The following SDK1 variants were observed in gnomAD, a reference collection of about 807,000 sequenced individuals.
SDK1 encodes sidekick cell adhesion molecule 1, also known as protein sidekick-1.
Under a neutral mutation model 245.5 loss-of-function variants are expected in SDK1, and 157 were observed. The ratio of observed to expected loss-of-function variants is 0.64; its 90% CI spans 0.56 to 0.73. SDK1 has a LOEUF of 0.73. SDK1 is among the 30% of genes least tolerant of loss of function. SDK1 has a pLI of 0.00. For missense variants in SDK1, 3,583 were observed against 3,002.3 expected (o/e 1.19, Z -4.52); for synonymous variants, 1,647 against 1,278.5 (o/e 1.29, Z -6.15).
rs572177627 is a variant in SDK1, at chr7:4,235,897, C to T, written c.5993-1750C>T. On this transcript the variant is annotated intron_variant, in intron 41 of 44. Coordinates refer to ENST00000404826, the MANE Select transcript of SDK1 (RefSeq NM_152744.4). ...CGTATGAGAGTCCTCCAGGACAGCCCGGCCTTCCTTTCCTACCAGGTGCTG... is the reference window on the plus strand; with the variant it reads ...CGTATGAGAGTCCTCCAGGACAGCCTGGCCTTCCTTTCCTACCAGGTGCTG... Among the ~76,000 whole-genome samples the T allele has an allele frequency of 5.3e-5, 8 of 152,326 alleles. No homozygotes were observed. The East Asian group carries it at 7.7e-4, about 15-fold the overall frequency.
intron 22 of SDK1, among the ~76,000 whole-genome samples, chr7:4,089,759 G>A (rs2128183075): frequency 6.6e-6 from 1 of 152,324 alleles, no homozygotes; most frequent in South Asian, 2.1e-4. Flanking sequence ...CTTTCCCTTT[G>A]ATTTCAAAAG....
At chr7:3,505,819 T>G (rs943150192) in intron 1 of SDK1, among the ~76,000 whole-genome samples, 2 of 152,178 alleles carry the variant, frequency 1.3e-5, no homozygotes, top group Non-Finnish European at 2.9e-5. Context: ...CTGCAGGACT[T>G]GAGTATGCTT....
intron 1 of SDK1, among the ~76,000 whole-genome samples, chr7:3,563,660 G>A (rs887182437): frequency 2.0e-5 from 3 of 152,134 alleles, no homozygotes; most frequent in African/African-American, 7.2e-5. Flanking sequence ...TTGAAAAGCA[G>A]GCAGAGGTGG....
intron 1 of SDK1, among the ~76,000 whole-genome samples, chr7:3,400,092 TG>T (rs1778847296): frequency 6.6e-6 from 1 of 151,736 alleles, no homozygotes; most frequent in Non-Finnish European, 1.5e-5. Context: ...AGGGCGCTTT[TG>T]GGGAAGTCTG....
intron 4 of SDK1, among the ~76,000 whole-genome samples, chr7:3,676,132 A>C (rs1783886457): frequency 6.6e-6 from 1 of 151,542 alleles, no homozygotes; most frequent in South Asian, 2.1e-4. Context: ...CACCTGGCTA[A>C]ATTTTGTATT....
At chr7:3,400,534 T>A (rs1157415246) in intron 1 of SDK1, among the ~76,000 whole-genome samples, 3 of 152,132 alleles carry the variant, frequency 2.0e-5, no homozygotes, top group African/African-American at 4.8e-5. Flanking sequence ...TATGTACTTA[T>A]AAATACATAA....
intron 22 of SDK1, among the ~76,000 whole-genome samples, chr7:4,082,534 CAA>C (rs1300321399): frequency 9.1e-4 from 99 of 108,730 alleles, no homozygotes; most frequent in African/African-American, 1.2e-3. Flanking sequence ...GATTCTGTCT[CAA>C]AAAAAAAAAA....
intron 1 of SDK1, among the ~76,000 whole-genome samples, chr7:3,346,803 G>A (rs1583716780): frequency 5.4e-5 from 3 of 55,850 alleles, no homozygotes; most frequent in South Asian, 6.4e-4. Context: ...GTGTGTGTGT[G>A]TGTGTATATA....
intron 5 of SDK1, among the ~76,000 whole-genome samples, chr7:3,845,340 C>G (rs541626226): frequency 6.6e-6 from 1 of 151,928 alleles, no homozygotes; most frequent in South Asian, 2.1e-4. Flanking sequence ...AAATACAAAA[C>G]TTAGCTGGGC....
At chr7:3,792,985 G>A (rs925602714) in intron 4 of SDK1, among the ~76,000 whole-genome samples, 3 of 152,150 alleles carry the variant, frequency 2.0e-5, no homozygotes, top group African/African-American at 7.2e-5. Context: ...TTCACATAAG[G>A]GGGAGGAAAA....
chr7:3,742,979 A>C (rs772655644), intron 4 of SDK1, among the ~76,000 whole-genome samples: 2 of 152,246 alleles, frequency 1.3e-5, no homozygotes, highest in Admixed American at 6.5e-5. Flanking sequence ...CCTCATTAAC[A>C]TGAGGAAGCA....
At chr7:3,644,131 A>G (rs1435180710) in intron 4 of SDK1, among the ~76,000 whole-genome samples, 2 of 150,636 alleles carry the variant, frequency 1.3e-5, no homozygotes, top group East Asian at 3.9e-4. Flanking sequence ...CGAAGTCCTT[A>G]CCTCAAATGA....
chr7:3,359,247 A>G (rs1388627408), intron 1 of SDK1, among the ~76,000 whole-genome samples: 2 of 152,162 alleles, frequency 1.3e-5, no homozygotes, highest in Non-Finnish European at 2.9e-5. Flanking sequence ...AGCAGAATGC[A>G]GCACACACAG....
intron 14 of SDK1, among the ~76,000 whole-genome samples, chr7:3,988,253 C>T (rs890204523): frequency 5.3e-5 from 8 of 150,844 alleles, no homozygotes; most frequent in Non-Finnish European, 1.0e-4. Context: ...AATTCCTTTC[C>T]CTGGACCCCA....
intron 1 of SDK1, among the ~76,000 whole-genome samples, chr7:3,578,639 C>T (rs145485595): frequency 6.6e-6 from 1 of 151,840 alleles, no homozygotes; most frequent in Non-Finnish European, 1.5e-5. Context: ...GAATGCAATT[C>T]TTATCTTAGG....
intron 5 of SDK1, among the ~76,000 whole-genome samples, chr7:3,865,030 A>T (rs548103154): frequency 1.4e-3 from 215 of 152,316 alleles, no homozygotes; most frequent in African/African-American, 4.8e-3. Context: ...ACGTTTCTTC[A>T]GTCTCCTACC....
At chr7:3,423,696 A>G (rs1032184171) in intron 1 of SDK1, among the ~76,000 whole-genome samples, 2 of 151,942 alleles carry the variant, frequency 1.3e-5, no homozygotes, top group Admixed American at 6.6e-5. Context: ...TGCTTTTGAT[A>G]TCTGAATGGA....
chr7:3,622,054 A>G (rs1781958732), intron 2 of SDK1, among the ~76,000 whole-genome samples: 1 of 152,196 alleles, frequency 6.6e-6, no homozygotes, highest in African/African-American at 2.4e-5. Context: ...TGCTTAATAT[A>G]GGCTAGGCTA....
At chr7:3,849,982 A>C (rs1337473973) in intron 5 of SDK1, among the ~76,000 whole-genome samples, 1 of 152,222 alleles carries the variant, frequency 6.6e-6, no homozygotes, top group East Asian at 1.9e-4. Context: ...AGTCGAAATG[A>C]CCAATCATTC....
Sources: gnomAD v4.1 joint callset for allele counts (sites outside exome capture counted in the v4.1 genomes callset) on GRCh38, gnomAD v4.1.1 for gene constraint, MANE v1.5 for transcripts, NCBI Gene and HGNC (gene_info 2026-07-23, HGNC 2026-07-21) for gene names.